RGL1: variants seen among roughly 807,000 people sequenced by gnomAD.
RGL1 encodes ral guanine nucleotide dissociation stimulator like 1.
Under a neutral mutation model 95.2 loss-of-function variants are expected in RGL1, and 24 were observed. The observed-to-expected ratio is 0.25, with a 90% CI of 0.18 to 0.35. The LOEUF (loss-of-function observed/expected upper bound fraction) is 0.35, where lower values mean the gene tolerates loss of function less well. Among genes scored for constraint, RGL1 ranks in the 10% least tolerant of loss-of-function variants. The pLI is 1.00. For synonymous variants in RGL1, 329 were observed against 344.9 expected (o/e 0.95, Z 0.51); for missense variants, 715 against 936.3 (o/e 0.76, Z 3.08).
chr1:183,810,458 G>A lies in RGL1; in HGVS notation c.138+3973G>A, dbSNP rs538089987. On this transcript the variant is annotated intron_variant, in intron 2 of 17. Transcript: ENST00000360851. ...CCCTGTGTCCAGTGTTTGTCACACC[G>A]TTTCCCACATAGGCTCTTGATAAAT... Among the ~76,000 whole-genome samples, 9 of 152,298 alleles carry A rather than the reference G, an allele frequency of 5.9e-5. No individual in the cohort carries two copies. In the South Asian group the frequency reaches 1.0e-3, roughly 18 times the overall value.
intron 2 of RGL1, among the ~76,000 whole-genome samples, chr1:183,808,114 T>C (rs550660798): frequency 6.6e-6 from 1 of 152,364 alleles, no homozygotes; most frequent in African/African-American, 2.4e-5. Flanking sequence ...ACATTAGTTA[T>C]GAGTAAGTCA....
intron 1 of RGL1, among the ~76,000 whole-genome samples, chr1:183,672,858 G>A (rs550338977): frequency 2.6e-5 from 4 of 152,238 alleles, no homozygotes; most frequent in East Asian, 3.9e-4. Context: ...TTACATTCAT[G>A]GGATGTCTTT....
At chr1:183,768,461 C>T (rs371897183) in intron 2 of RGL1, among the ~76,000 whole-genome samples, 3 of 83,852 alleles carry the variant, frequency 3.6e-5, no homozygotes, top group Admixed American at 1.8e-4. Context: ...CTTTAGATAA[C>T]TTTTTTTTTT....
intron 15 of RGL1, among the ~76,000 whole-genome samples, chr1:183,912,888 C>G (rs575732250): frequency 6.6e-6 from 1 of 152,280 alleles, no homozygotes; most frequent in East Asian, 1.9e-4. Context: ...GTCGTATCAA[C>G]CAACATTCTA....
chr1:183,791,037 T>C (rs1219876187), intron 2 of RGL1, among the ~76,000 whole-genome samples: 1 of 152,152 alleles, frequency 6.6e-6, no homozygotes, highest in African/African-American at 2.4e-5. Context: ...GCATTAGCTA[T>C]TCACTCATCT....
intron 1 of RGL1, among the ~76,000 whole-genome samples, chr1:183,715,059 G>A (rs530332924): frequency 5.9e-5 from 9 of 152,258 alleles, no homozygotes; most frequent in South Asian, 4.1e-4. Context: ...TGAGGAAACC[G>A]GGGCTTAGAA....
intron 15 of RGL1, 47 bp downstream of exon 15, chr1:183,912,315 G>T (rs747100905): frequency 1.3e-6 from 2 of 1,482,638 alleles, no homozygotes; most frequent in Non-Finnish European, 1.9e-6. Context: ...GCACCTACAT[G>T]CTCTTTGCCA....
chr1:183,901,804 TGAA>T (rs953514261), intron 11 of RGL1, among the ~76,000 whole-genome samples: 14 of 152,208 alleles, frequency 9.2e-5, no homozygotes, highest in African/African-American at 3.1e-4. Context: ...AAATATTAAG[TGAA>T]GAAGAAATTT....
intron 4 of RGL1, among the ~76,000 whole-genome samples, chr1:183,873,881 G>A (rs1006760225): frequency 2.0e-5 from 3 of 152,170 alleles, no homozygotes; most frequent in Admixed American, 2.0e-4. Context: ...GCCCATCAAA[G>A]GAGAACCTGC....
chr1:183,793,298 A>G (rs1660525908), intron 2 of RGL1, among the ~76,000 whole-genome samples: 1 of 152,196 alleles, frequency 6.6e-6, no homozygotes, highest in Non-Finnish European at 1.5e-5. Context: ...AAATGGATTA[A>G]AGACTTAAAC....
chr1:183,652,821 C>A (rs115692733), intron 1 of RGL1, among the ~76,000 whole-genome samples: 3 of 151,936 alleles, frequency 2.0e-5, no homozygotes, highest in Admixed American at 6.6e-5. Context: ...TAGAGCCCAG[C>A]GTGCTGGAGG....
intron 2 of RGL1, among the ~76,000 whole-genome samples, chr1:183,829,374 G>T (rs1218022971): frequency 6.6e-6 from 1 of 151,766 alleles, no homozygotes; most frequent in Non-Finnish European, 1.5e-5. Flanking sequence ...CCTGAGAGGT[G>T]GAGGTTGCAT....
chr1:183,847,445 T>C (rs1214939082), intron 2 of RGL1, 121 bp from the exon 3 acceptor site: 3 of 833,092 alleles, frequency 3.6e-6, no homozygotes, highest in Non-Finnish European at 5.7e-6. Flanking sequence ...ACAAAAGGGA[T>C]AAATAAATAA....
At chr1:183,833,964 GTT>G (rs59912489) in intron 2 of RGL1, among the ~76,000 whole-genome samples, 3 of 140,580 alleles carry the variant, frequency 2.1e-5, no homozygotes, top group African/African-American at 5.3e-5. Context: ...ATCTCTCTCT[GTT>G]TTTTTTTTTT....
chr1:183,808,079 C>A (rs1456512770), intron 2 of RGL1, among the ~76,000 whole-genome samples: 1 of 152,082 alleles, frequency 6.6e-6, no homozygotes, highest in East Asian at 1.9e-4. Context: ...GCTTGGGTGA[C>A]TGTTTTAGTT....
intron 4 of RGL1, among the ~76,000 whole-genome samples, chr1:183,877,951 C>G (rs1030420391): frequency 3.3e-5 from 5 of 152,140 alleles, no homozygotes; most frequent in African/African-American, 1.2e-4. Context: ...AATACCCACA[C>G]GAGCATGCAG....
intron 1 of RGL1, among the ~76,000 whole-genome samples, chr1:183,732,914 G>A (rs1656713879): frequency 6.6e-6 from 1 of 152,176 alleles, no homozygotes; most frequent in East Asian, 1.9e-4. Context: ...TGAAATTTGA[G>A]AGTAGAATTT....
intron 2 of RGL1, among the ~76,000 whole-genome samples, chr1:183,818,755 C>T (rs963048088): frequency 3.3e-5 from 5 of 152,184 alleles, no homozygotes; most frequent in Admixed American, 6.5e-5. Flanking sequence ...TATTATAGAA[C>T]GTGTATCTTT....
chr1:183,819,443 T>A (rs1662305057), intron 2 of RGL1, among the ~76,000 whole-genome samples: 1 of 152,250 alleles, frequency 6.6e-6, no homozygotes, highest in Non-Finnish European at 1.5e-5. Context: ...TACAACTCAA[T>A]TCCCTTGCTC....
Sources: gnomAD v4.1 joint callset for allele counts (sites outside exome capture counted in the v4.1 genomes callset) on GRCh38, gnomAD v4.1.1 for gene constraint, MANE v1.5 for transcripts, NCBI Gene and HGNC (gene_info 2026-07-23, HGNC 2026-07-21) for gene names.